CHUK: variants seen among roughly 807,000 people sequenced by gnomAD.
CHUK encodes component of inhibitor of nuclear factor kappa B kinase complex.
In CHUK, 35 loss-of-function variants were observed where a neutral mutation model predicts 104.8. The ratio of observed to expected loss-of-function variants is 0.33; its 90% CI spans 0.26 to 0.44. The LOEUF (loss-of-function observed/expected upper bound fraction) is 0.44. CHUK is among the 20% of genes least tolerant of loss of function. The pLI is 1.00. For synonymous variants in CHUK, 276 were observed against 291.9 expected, an observed-to-expected ratio of 0.95 and a Z score of 0.56; for missense variants, 663 against 902.7, an observed-to-expected ratio of 0.73 and a Z score of 3.40.
chr10:100,193,969 T>C lies in CHUK; in HGVS notation c.1974+15A>G, dbSNP rs1297182082. The C allele has an allele frequency of 6.2e-7, 1 of 1,608,112 alleles. No individual in the cohort carries two copies. The highest frequency in any genetic ancestry group is 8.5e-7 in the Non-Finnish European group (1 of 1,174,988). ...ACTCAATGTCACATTAAATAATTCA[T>C]TAATAATTACTTACACAGGCAATTT... On this transcript the variant is annotated intron_variant, in intron 18 of 20. Transcript: ENST00000370397.
At chr10:100,202,398 A>G (rs538390212) in intron 13 of CHUK, among the ~76,000 whole-genome samples, 123 of 152,230 alleles carry the variant, frequency 8.1e-4, no homozygotes, top group Non-Finnish European at 1.4e-3. Flanking sequence ...CAGTACGACC[A>G]GTGTACTTAG....
chr10:100,212,833 T>C (rs1259493864), intron 9 of CHUK, among the ~76,000 whole-genome samples: 2 of 151,696 alleles, frequency 1.3e-5, no homozygotes, highest in Non-Finnish European at 2.9e-5. Flanking sequence ...GGTGAAACCT[T>C]GTCTCTACTA....
intron 13 of CHUK, among the ~76,000 whole-genome samples, chr10:100,202,842 C>T (rs1258539148): frequency 6.6e-6 from 1 of 152,154 alleles, no homozygotes; most frequent in Non-Finnish European, 1.5e-5. Flanking sequence ...CAGCTCACCG[C>T]AACCTCTATC....
At chr10:100,208,099 A>C (rs966772867) in intron 10 of CHUK, among the ~76,000 whole-genome samples, 4 of 152,100 alleles carry the variant, frequency 2.6e-5, no homozygotes, top group African/African-American at 9.7e-5. Context: ...CTGGGCTTCA[A>C]ATACAAAAAG....
intron 11 of CHUK, among the ~76,000 whole-genome samples, chr10:100,206,203 A>C (rs891208333): frequency 3.3e-5 from 5 of 152,148 alleles, no homozygotes; most frequent in Admixed American, 6.5e-5. Flanking sequence ...AAATGGGTTC[A>C]TTAAATGTAA....
At chr10:100,187,862 T>C (rs879861433), downstream of CHUK, 3 of 152,228 alleles carry the variant, frequency 2.0e-5, no homozygotes, top group Non-Finnish European at 2.9e-5. Flanking sequence ...AATGCTTGGA[T>C]GGCTTGTAAT....
In CHUK at chr10:100,204,575, A is replaced by G. The variant is rs1459465866; in HGVS notation, c.1438T>C (p.Leu480=). 2.5e-6 allele frequency: 4 copies of G among 1,613,636 alleles called. No homozygotes were observed. The East Asian group carries it at 8.9e-5, about 36-fold the overall frequency. ...TGAATGCTTTTGTGAAAAAACTCCAATTTAGCTTTCAGTTGTTGTGATGCT... is the reference window on the plus strand; with the variant it reads ...TGAATGCTTTTGTGAAAAAACTCCAGTTTAGCTTTCAGTTGTTGTGATGCT... ...ISASQQLKAK[L]EFFHKSIQLD... is the part of the protein sequence containing the mutation. The change falls in exon 13 of 21, where the codon TTG becomes CTG. Residue 480 remains leucine, a synonymous_variant. Transcript: ENST00000370397.
intron 11 of CHUK, 35 bp from the exon 12 acceptor site, chr10:100,205,234 G>A (rs764486252): frequency 9.9e-6 from 16 of 1,610,598 alleles, no homozygotes; most frequent in Non-Finnish European, 1.4e-5. Flanking sequence ...GGGCAAGGGA[G>A]GTTAGTTACT....
chr10:100,189,743 C>G (rs1845150163), intron 20 of CHUK, 116 bp from the exon 21 acceptor site: 6 of 701,498 alleles, frequency 8.6e-6, no homozygotes, highest in Non-Finnish European at 1.5e-5. Context: ...GTTGAAAAAT[C>G]ATTTCATTTA....
At chr10:100,187,524 CCT>C (rs1408080869), downstream of CHUK, 2 of 152,074 alleles carry the variant, frequency 1.3e-5, no homozygotes, top group Non-Finnish European at 2.9e-5. Context: ...TGCTCCATAC[CCT>C]GTTTTCTGTA....
At chr10:100,191,098 C>A in intron 19 of CHUK, 130 bp from the exon 20 acceptor site, 1 of 716,614 alleles carries the variant, frequency 1.4e-6, no homozygotes, top group East Asian at 2.6e-5. Context: ...GCAGTTGACT[C>A]CTGTAGTCTT....
intron 20 of CHUK, 100 bp downstream of exon 20, chr10:100,190,769 C>T: frequency 1.3e-6 from 1 of 789,274 alleles, no homozygotes; most frequent in Non-Finnish European, 2.3e-6. Context: ...TCTTCTATTT[C>T]CCATATGCAT....
At chr10:100,202,204 G>A in intron 13 of CHUK, 55 bp from the exon 14 acceptor site, 3 of 1,180,224 alleles carry the variant, frequency 2.5e-6, no homozygotes, top group Non-Finnish European at 3.8e-6. Flanking sequence ...TTTAATTACT[G>A]GCTGCCTGCC....
Position 100,218,998 on chromosome 10 carries a change from C to A in CHUK, c.689+10G>T. On this transcript the variant is annotated intron_variant, in intron 7 of 20. Coordinates refer to ENST00000370397, the MANE Select transcript of CHUK (RefSeq NM_001278.5). ...CATTAAGCATGCCCAAGTTCTCATCCATTTCTTACCAGGTAAATGGCTGCA... is the reference window on the plus strand; with the variant it reads ...CATTAAGCATGCCCAAGTTCTCATCAATTTCTTACCAGGTAAATGGCTGCA... 6.2e-7 allele frequency: 1 copy of A among 1,613,934 alleles called. No individual in the cohort carries two copies. Among genetic ancestry groups the A allele is most frequent in the Non-Finnish European group, 8.5e-7 (1 of 1,179,918 alleles).
chr10:100,191,353 G>A (rs1188243390), intron 19 of CHUK, among the ~76,000 whole-genome samples: 1 of 152,212 alleles, frequency 6.6e-6, no homozygotes, highest in Non-Finnish European at 1.5e-5. Context: ...CTTAAAAGTA[G>A]TAAAAACACC....
chr10:100,227,130 G>T (rs1313302886), intron 1 of CHUK, among the ~76,000 whole-genome samples: 1 of 152,160 alleles, frequency 6.6e-6, no homozygotes, highest in East Asian at 1.9e-4. Context: ...CATGTTAATG[G>T]AGCAATAAGT....
chr10:100,221,390 G>A (rs964196152), intron 4 of CHUK, among the ~76,000 whole-genome samples: 62 of 151,964 alleles, frequency 4.1e-4, no homozygotes, highest in Admixed American at 4.1e-3. Flanking sequence ...AGCTGAGATC[G>A]CACCACTGCA....
chr10:100,219,356 T>A lies in CHUK; in HGVS notation c.478A>T (p.Ile160Leu). 6.7e-7 allele frequency: 1 copy of A among 1,483,390 alleles called. No homozygotes were observed. Among genetic ancestry groups the A allele is most frequent in the Non-Finnish European group, 9.4e-7 (1 of 1,061,238 alleles). The allele number at this position is 1,483,390 out of a possible 1,614,324, so 91.9% of individuals were successfully genotyped here. The change falls in exon 6 of 21, where the codon ATA becomes TTA. Residue 160 changes from isoleucine (I) to leucine (L), a missense_variant. Transcript: ENST00000370397. Reference protein sequence around the residue: ...IVLQDVGGKIIHKIIDLGYAK... With the variant: ...IVLQDVGGKILHKIIDLGYAK... Reference sequence around the variant, plus strand: ...TATCCCAGATCAATTATTTTATGTATTATCTGCAAAATAATAAGACAGATT... The same window carrying A: ...TATCCCAGATCAATTATTTTATGTAATATCTGCAAAATAATAAGACAGATT...
At chr10:100,223,598 C>A (rs940650946) in intron 2 of CHUK, among the ~76,000 whole-genome samples, 9 of 149,184 alleles carry the variant, frequency 6.0e-5, no homozygotes, top group Admixed American at 4.0e-4. Context: ...CATAGCAAGA[C>A]CACATCTCTT....
Sources: gnomAD v4.1 joint callset for allele counts (sites outside exome capture counted in the v4.1 genomes callset) on GRCh38, gnomAD v4.1.1 for gene constraint, MANE v1.5 for transcripts, NCBI Gene and HGNC (gene_info 2026-07-23, HGNC 2026-07-21) for gene names.